ZNF710: variants seen among roughly 807,000 people sequenced by gnomAD.
ZNF710 encodes zinc finger protein 710.
In ZNF710, 13 loss-of-function variants were observed where a neutral mutation model predicts 50.6. The observed-to-expected ratio is 0.26, with a 90% CI of 0.17 to 0.41. The LOEUF is 0.41. Among genes scored for constraint, ZNF710 ranks in the 10% least tolerant of loss-of-function variants. The pLI is 1.00. For synonymous variants in ZNF710, 383 were observed against 397.0 expected, an observed-to-expected ratio of 0.96 and a Z score of 0.42; for missense variants, 721 against 936.6, an observed-to-expected ratio of 0.77 and a Z score of 3.01.
At chr15:90,038,067 G>A (rs574722522) in intron 1 of ZNF710, among the ~76,000 whole-genome samples, 4 of 152,326 alleles carry the variant, frequency 2.6e-5, no homozygotes, top group Admixed American at 1.3e-4. Context: ...CCCTCGACCC[G>A]CAGTCGGCTG....
At chr15:90,056,459 C>T (rs2151513468) in intron 1 of ZNF710, among the ~76,000 whole-genome samples, 1 of 152,166 alleles carries the variant, frequency 6.6e-6, no homozygotes, top group South Asian at 2.1e-4. Context: ...GGGGTAGGGG[C>T]CTTGGGGTCT....
chr15:90,026,199 AC>A (rs1223605024), intron 1 of ZNF710, among the ~76,000 whole-genome samples: 3 of 149,302 alleles, frequency 2.0e-5, no homozygotes, highest in East Asian at 1.9e-4. Context: ...AAGTAGCCTA[AC>A]CCCTGGCAAT....
chr15:90,057,326 C>T (rs1426164670), intron 1 of ZNF710, among the ~76,000 whole-genome samples: 1 of 152,090 alleles, frequency 6.6e-6, no homozygotes, highest in African/African-American at 2.4e-5. Flanking sequence ...GAAGAAGGCA[C>T]CTGGGGTGGG....
At chr15:89,998,332 T>C (rs1243477984), upstream of ZNF710, among the ~76,000 whole-genome samples, 2 of 152,204 alleles carry the variant, frequency 1.3e-5, no homozygotes, top group Non-Finnish European at 2.9e-5. Flanking sequence ...TTCCTGGATT[T>C]CATGAGGCCC....
intron 1 of ZNF710, among the ~76,000 whole-genome samples, chr15:90,064,581 G>A (rs150277993): frequency 4.7e-4 from 71 of 152,268 alleles, no homozygotes; most frequent in Middle Eastern, 3.4e-3. Flanking sequence ...TCCGCCTCCT[G>A]GGTTCAAGTG....
intron 1 of ZNF710, among the ~76,000 whole-genome samples, chr15:90,016,417 G>A (rs987187712): frequency 3.3e-5 from 5 of 152,156 alleles, no homozygotes; most frequent in Middle Eastern, 3.4e-3. Flanking sequence ...ACTCATCTCT[G>A]TCAGTTTTCT....
At chr15:90,030,595 T>G (rs1405588660) in intron 1 of ZNF710, among the ~76,000 whole-genome samples, 1 of 151,134 alleles carries the variant, frequency 6.6e-6, no homozygotes, top group African/African-American at 2.4e-5. Flanking sequence ...TGTTAACCAG[T>G]GGGGGAGGGG....
chr15:90,055,395 G>C (rs1396695217), intron 1 of ZNF710, among the ~76,000 whole-genome samples: 1 of 152,196 alleles, frequency 6.6e-6, no homozygotes, highest in African/African-American at 2.4e-5. Context: ...TGAAGTCCAC[G>C]TGGCTTCACA....
chr15:90,030,406 G>C (rs1352056438), intron 1 of ZNF710, among the ~76,000 whole-genome samples: 1 of 151,166 alleles, frequency 6.6e-6, no homozygotes, highest in Non-Finnish European at 1.5e-5. Context: ...GAGGCACAGA[G>C]GAAGGAGGGA....
At chr15:90,078,802 T>C in intron 4 of ZNF710, among the ~76,000 whole-genome samples, 1 of 152,190 alleles carries the variant, frequency 6.6e-6, no homozygotes, top group Non-Finnish European at 1.5e-5. Flanking sequence ...CTGGGGTCTG[T>C]TTCCCCCAAA....
chr15:90,050,055 G>T (rs757366203), intron 1 of ZNF710, among the ~76,000 whole-genome samples: 11 of 152,234 alleles, frequency 7.2e-5, no homozygotes, highest in Non-Finnish European at 1.5e-4. Context: ...GTGGACGGCC[G>T]CATGTGTCTG....
At chr15:89,998,970 C>T (rs1897964661), upstream of ZNF710, among the ~76,000 whole-genome samples, 1 of 152,184 alleles carries the variant, frequency 6.6e-6, no homozygotes, top group South Asian at 2.1e-4. Flanking sequence ...TTCCCTGACA[C>T]CCTCCCCTTT....
At chr15:90,031,166 C>G (rs1898938013) in intron 1 of ZNF710, among the ~76,000 whole-genome samples, 1 of 152,000 alleles carries the variant, frequency 6.6e-6, no homozygotes, top group Admixed American at 6.5e-5. Context: ...GTGGACCCGA[C>G]AGTTGGTGGT....
intron 1 of ZNF710, among the ~76,000 whole-genome samples, chr15:90,032,808 G>A (rs1898988865): frequency 6.6e-6 from 1 of 150,422 alleles, no homozygotes; most frequent in Non-Finnish European, 1.5e-5. Flanking sequence ...TGTGTGTTTG[G>A]CCTGTATAGT....
chr15:90,013,404 G>T (rs191537878), intron 1 of ZNF710, among the ~76,000 whole-genome samples: 1 of 152,158 alleles, frequency 6.6e-6, no homozygotes, highest in Non-Finnish European at 1.5e-5. Context: ...GCCTGGCCAG[G>T]TGTTGTGTGA....
Position 90,059,747 on chromosome 15 carries a change from C to T in ZNF710, c.-28-7363C>T, listed in dbSNP as rs1899945414. 6.6e-6 allele frequency among the ~76,000 whole-genome samples: 1 copy of T among 152,230 alleles called. No individual in the cohort carries two copies. Among genetic ancestry groups the T allele is most frequent in the Non-Finnish European group, 1.5e-5 (1 of 68,030 alleles). Reference sequence around the variant, plus strand: ...GCACAGGCCTTCCAGCTCTCGCTTCCTCTTCCCTTCTGCGCATGTGAGTAG... The same window carrying T: ...GCACAGGCCTTCCAGCTCTCGCTTCTTCTTCCCTTCTGCGCATGTGAGTAG... On this transcript the variant is annotated intron_variant, in intron 1 of 4. Coordinates refer to ENST00000268154, the MANE Select transcript of ZNF710 (RefSeq NM_198526.4). This position sits in a 1 kb window ranked among gnomAD's most constrained non-coding sequence, Gnocchi z 4.1.
chr15:90,045,387 C>T (rs1013377154), intron 1 of ZNF710: 24 of 985,328 alleles, frequency 2.4e-5, no homozygotes, highest in Non-Finnish European at 2.9e-5. Context: ...ACAGTGACGG[C>T]TGACAGGTTT....
At chr15:90,053,435 A>C (rs1899708546) in intron 1 of ZNF710, among the ~76,000 whole-genome samples, 1 of 149,920 alleles carries the variant, frequency 6.7e-6, no homozygotes, top group South Asian at 2.1e-4. Flanking sequence ...TGCAACCTCG[A>C]CCTCCCAGAC....
chr15:90,029,914 CA>C (rs1898883969), intron 1 of ZNF710, among the ~76,000 whole-genome samples: 1 of 151,638 alleles, frequency 6.6e-6, no homozygotes, highest in Admixed American at 6.6e-5. Context: ...CGTGCCTGGC[CA>C]AAAAACTTTT....
Sources: gnomAD v4.1 joint callset for allele counts (sites outside exome capture counted in the v4.1 genomes callset) on GRCh38, gnomAD v4.1.1 for gene constraint, Gnocchi (gnomAD v3.1) non-coding constraint, MANE v1.5 for transcripts, NCBI Gene and HGNC (gene_info 2026-07-23, HGNC 2026-07-21) for gene names.